FAM117B: variants seen among roughly 807,000 people sequenced by gnomAD.
The protein encoded by FAM117B is protein FAM117B.
A neutral mutation model predicts 52.8 loss-of-function variants in FAM117B; 22 were observed. That is an observed-to-expected ratio of 0.42 (90% confidence interval 0.30 to 0.59). The LOEUF (loss-of-function observed/expected upper bound fraction) is 0.59, where lower values mean the gene tolerates loss of function less well. Among genes scored for constraint, FAM117B ranks in the 20% least tolerant of loss-of-function variants. The probability of loss-of-function intolerance (pLI) is 0.22; values close to 1 mark genes in which losing one functional copy is unlikely to be tolerated. For missense variants in FAM117B, 678 were observed against 802.6 expected (o/e 0.84, Z 1.88); for synonymous variants, 309 against 324.1 (o/e 0.95, Z 0.50).
chr2:202,685,483 C>T (rs1345060351), intron 1 of FAM117B, among the ~76,000 whole-genome samples: 1 of 152,116 alleles, frequency 6.6e-6, no homozygotes, highest in Non-Finnish European at 1.5e-5. Context: ...AGGATGTCAA[C>T]TCTCACAATT....
chr2:202,649,611 G>A (rs533482582), intron 1 of FAM117B, among the ~76,000 whole-genome samples: 63 of 152,008 alleles, frequency 4.1e-4, no homozygotes, highest in African/African-American at 1.4e-3. Flanking sequence ...GAGTGCAATG[G>A]CGTGATCTCG....
intron 4 of FAM117B, among the ~76,000 whole-genome samples, chr2:202,749,993 C>T (rs1001206400): frequency 3.3e-5 from 5 of 152,142 alleles, no homozygotes; most frequent in South Asian, 2.1e-4. Flanking sequence ...GCATAGACTA[C>T]GTGACTTTAC....
At chr2:202,646,008 C>G (rs1485660429) in intron 1 of FAM117B, among the ~76,000 whole-genome samples, 1 of 151,484 alleles carries the variant, frequency 6.6e-6, no homozygotes, top group South Asian at 2.1e-4. Context: ...GTTCTTTGTC[C>G]TGTTAATGCC....
Position 202,726,332 on chromosome 2 carries a change from A to G in FAM117B, c.929A>G (p.His310Arg), listed in dbSNP as rs746090581. ...GATAAAGAAAGACAGTCTCCATTTC[A>G]TGGCAACCATGCAGCTATTAACCAG... is the stretch of plus-strand genomic sequence containing the variant. ...HRDKERQSPF[H>R]GNHAAINQCQ... The change falls in exon 4 of 8, where the codon CAT (histidine) becomes CGT (arginine). Residue 310 changes from histidine (H) to arginine (R), a missense_variant. By Grantham distance (29) the His-to-Arg change is conservative. Transcript: ENST00000392238. The G allele has an allele frequency of 1.9e-6, 3 of 1,613,820 alleles. No individual in the cohort carries two copies. Among genetic ancestry groups the G allele is most frequent in the Non-Finnish European group, 2.5e-6 (3 of 1,179,888 alleles).
intron 4 of FAM117B, among the ~76,000 whole-genome samples, chr2:202,750,955 T>C (rs1226862353): frequency 1.3e-5 from 2 of 152,182 alleles, no homozygotes; most frequent in Non-Finnish European, 2.9e-5. Flanking sequence ...TATGAAACTT[T>C]TGTTCCAGTA....
chr2:202,765,420 C>T (rs1328671421), intron 7 of FAM117B, 26 bp from the exon 8 acceptor site: 2 of 1,583,948 alleles, frequency 1.3e-6, no homozygotes, highest in Admixed American at 1.8e-5. Flanking sequence ...GACTTAAAAG[C>T]ATTGGGTTGT....
chr2:202,741,782 T>G (rs930200124), intron 4 of FAM117B, among the ~76,000 whole-genome samples: 1 of 152,140 alleles, frequency 6.6e-6, no homozygotes, highest in African/African-American at 2.4e-5. Context: ...GTGATCCACC[T>G]GCCTTGGCCT....
intron 1 of FAM117B, among the ~76,000 whole-genome samples, chr2:202,674,676 C>A (rs1690349190): frequency 6.6e-6 from 1 of 152,244 alleles, no homozygotes; most frequent in Non-Finnish European, 1.5e-5. Flanking sequence ...CTTCCTGACC[C>A]AGTTTCTTCT....
rs760858817 is a variant in FAM117B at position 202,765,557 on chromosome 2, C to A, written c.1563C>A (p.Leu521=). Reference sequence around the variant, plus strand: ...GCCTCGTCAGCATCCTCAAGCCACTCCTTCCTACCCCGGATCTTACACTCA... The same window carrying A: ...GCCTCGTCAGCATCCTCAAGCCACTACTTCCTACCCCGGATCTTACACTCA... ...AFCLVSILKP[L]LPTPDLTLKG... Residue 521 remains leucine (L), a synonymous_variant, in exon 8 of 8, where the codon CTC becomes CTA. Coordinates refer to ENST00000392238, the MANE Select transcript of FAM117B (RefSeq NM_173511.4). 6.2e-7 allele frequency: 1 copy of A among 1,614,130 alleles called. No homozygotes were observed.
At chr2:202,677,875 G>T (rs1176477439) in intron 1 of FAM117B, among the ~76,000 whole-genome samples, 2 of 152,138 alleles carry the variant, frequency 1.3e-5, no homozygotes, top group Non-Finnish European at 2.9e-5. Context: ...GAAGCAGTTT[G>T]CTCAATGCCT....
chr2:202,681,809 G>A (rs576841754), intron 1 of FAM117B, among the ~76,000 whole-genome samples: 2 of 152,322 alleles, frequency 1.3e-5, no homozygotes, highest in African/African-American at 4.8e-5. Context: ...AGTCCCTGGC[G>A]AGGGCCCCGC....
chr2:202,738,652 A>G (rs1246081549), intron 4 of FAM117B, among the ~76,000 whole-genome samples: 7 of 152,320 alleles, frequency 4.6e-5, no homozygotes, highest in East Asian at 1.9e-4. Context: ...ATTTGGGGGC[A>G]TTTTAAATTT....
At chr2:202,709,277 A>G (rs1690924241) in intron 2 of FAM117B, among the ~76,000 whole-genome samples, 1 of 149,940 alleles carries the variant, frequency 6.7e-6, no homozygotes, top group African/African-American at 2.5e-5. Context: ...ATCTCAATTC[A>G]CTGCAACCTC....
intron 1 of FAM117B, among the ~76,000 whole-genome samples, chr2:202,659,086 A>C (rs746492978): frequency 1.1e-4 from 17 of 151,732 alleles, no homozygotes; most frequent in Non-Finnish European, 2.1e-4. Context: ...GCTCACTGCA[A>C]CCTCTGCCTC....
chr2:202,693,094 C>CA (rs1284071483), intron 1 of FAM117B, among the ~76,000 whole-genome samples: 3 of 152,110 alleles, frequency 2.0e-5, no homozygotes, highest in Non-Finnish European at 4.4e-5. Context: ...TAAAAATTCC[C>CA]AAAATCTAAT....
At chr2:202,645,904 C>T (rs1689855297) in intron 1 of FAM117B, among the ~76,000 whole-genome samples, 1 of 152,118 alleles carries the variant, frequency 6.6e-6, no homozygotes, top group Non-Finnish European at 1.5e-5. Context: ...AGCGCCCGGC[C>T]TATCAGATTT....
chr2:202,763,167 G>T (rs1574308428), intron 7 of FAM117B, among the ~76,000 whole-genome samples: 3 of 150,744 alleles, frequency 2.0e-5, no homozygotes, highest in East Asian at 3.9e-4. Context: ...CACCTCCCGG[G>T]TTCGCGCCAT....
intron 1 of FAM117B, among the ~76,000 whole-genome samples, chr2:202,679,203 A>G (rs1030574713): frequency 1.3e-5 from 2 of 152,186 alleles, no homozygotes; most frequent in Non-Finnish European, 2.9e-5. Context: ...TTGTGGGAAT[A>G]TTATTTTTGA....
At chr2:202,693,601 C>G (rs1214162448) in intron 1 of FAM117B, among the ~76,000 whole-genome samples, 1 of 151,990 alleles carries the variant, frequency 6.6e-6, no homozygotes, top group African/African-American at 2.4e-5. Context: ...ATGTCAAAAA[C>G]AAAACAAAAC....
Sources: gnomAD v4.1 joint callset for allele counts (sites outside exome capture counted in the v4.1 genomes callset) on GRCh38, gnomAD v4.1.1 for gene constraint, MANE v1.5 for transcripts, NCBI Gene and HGNC (gene_info 2026-07-23, HGNC 2026-07-21) for gene names.